OSBPL3: variants seen among roughly 807,000 people sequenced by gnomAD.
The protein encoded by OSBPL3 is oxysterol-binding protein-related protein 3.
OSBPL3 carries 65 observed loss-of-function variants against 120.1 expected under a neutral mutation model. That is an observed-to-expected ratio of 0.54 (90% CI 0.44 to 0.67). The LOEUF (loss-of-function observed/expected upper bound fraction) is 0.67. Ranked by LOEUF, OSBPL3 falls within the 30% of genes least tolerant of loss-of-function variation. The probability of loss-of-function intolerance (pLI) is 0.00; values close to 1 mark genes in which losing one functional copy is unlikely to be tolerated. For missense variants in OSBPL3, 1,004 were observed against 1,082.1 expected, an observed-to-expected ratio of 0.93 and a Z score of 1.01; for synonymous variants, 416 against 402.6, an observed-to-expected ratio of 1.03 and a Z score of -0.40.
Position 24,807,350 on chromosome 7 carries a change from A to G in OSBPL3, c.2318-448T>C, listed in dbSNP as rs1457165719. On this transcript the variant is annotated intron_variant, in intron 20 of 22. Transcript: ENST00000313367. ...TCTACTAAAAATACAAAACTTAGCC[A>G]GGCATGGTCTCGGGCGCCTGTAATT... Among the ~76,000 whole-genome samples, 4 of 151,828 alleles carry G rather than the reference A, an allele frequency of 2.6e-5. No individual in the cohort carries two copies. In the East Asian group the frequency reaches 7.7e-4, roughly 29 times the overall value.
rs1803708437 is a variant in OSBPL3, at chr7:24,881,720, A to G, written c.97-9651T>C. Among the ~76,000 whole-genome samples the G allele has an allele frequency of 6.6e-6, 1 of 152,180 alleles. No homozygotes were observed. The highest frequency in any genetic ancestry group is 2.1e-4 in the South Asian group (1 of 4,828). Reference sequence around the variant, plus strand: ...GAGCAGTCACAAACTTTGGTGGCTTAAATAAACAGATATTTATTCTCTAGC... The same window carrying G: ...GAGCAGTCACAAACTTTGGTGGCTTGAATAAACAGATATTTATTCTCTAGC... On this transcript the variant is annotated intron_variant, in intron 2 of 22. Transcript: ENST00000313367. The surrounding 1 kb of genome is among the most constrained non-coding windows in gnomAD (Gnocchi z 4.3).
intron 1 of OSBPL3, among the ~76,000 whole-genome samples, chr7:24,960,828 G>T (rs1432535594): frequency 1.3e-5 from 2 of 152,116 alleles, no homozygotes; most frequent in African/African-American, 2.4e-5. Context: ...TTGCACAGAA[G>T]TATCACCAAG....
chr7:24,878,415 A>G (rs1243653312), intron 2 of OSBPL3, among the ~76,000 whole-genome samples: 1 of 152,254 alleles, frequency 6.6e-6, no homozygotes, highest in Non-Finnish European at 1.5e-5. Flanking sequence ...GGCAATACCC[A>G]GCCTTAAATC....
Position 24,866,122 on chromosome 7 carries a change from G to T in OSBPL3, c.497C>A (p.Ser166Tyr). Reference sequence around the variant, plus strand: ...CCCAGATGAAGAGTCTGTGATGGTGGACCCTGAGAAAAAGTGGTTAACTTC... The same window carrying T: ...CCCAGATGAAGAGTCTGTGATGGTGTACCCTGAGAAAAAGTGGTTAACTTC... The part of the protein sequence containing the change: ...PHEVNHFFSG[S>Y]TITDSSSGVF... The change falls in exon 6 of 23, where the codon TCC becomes TAC. Residue 166 changes from serine to tyrosine, a missense_variant. Physicochemically the swap from Ser to Tyr is moderately radical, Grantham distance 144 (BLOSUM62 -2). Around this residue, in one of 4 missense-constraint regions of OSBPL3, gnomAD observed 255 missense variants for 248.7 expected, o/e 1.03. Coordinates refer to ENST00000313367, the MANE Select transcript of OSBPL3 (RefSeq NM_015550.4). 6.2e-7 allele frequency: 1 copy of T among 1,613,522 alleles called. No individual in the cohort carries two copies. The highest frequency in any genetic ancestry group is 8.5e-7 in the Non-Finnish European group (1 of 1,179,464).
In OSBPL3 at chr7:24,854,527, CACA is replaced by C. The variant is rs1562831291; in HGVS notation, c.1028-1896_1028-1894del. 2.0e-5 allele frequency among the ~76,000 whole-genome samples: 3 copies of C among 149,898 alleles called. No homozygotes were observed. The highest frequency in any genetic ancestry group is 4.9e-5 in the African/African-American group (2 of 40,830). On this transcript the variant is annotated intron_variant, in intron 10 of 22. Transcript: ENST00000313367. The surrounding 1 kb of genome is among the most constrained non-coding windows in gnomAD (Gnocchi z 4.1). The stretch of plus-strand genomic sequence containing the variant: ...GCACACACACACACACACACACACA[CACA>C]CACACACAAACACACACAATGGTGC...
Position 24,820,225 on chromosome 7 carries a change from G to A in OSBPL3, c.1898C>T (p.Pro633Leu), listed in dbSNP as rs749672339. ...QFFSEQVSHH[P>L]PISACHAESR... is the part of the protein sequence containing the mutation. ...CTCAGCATGACACGCAGAGATAGGC[G>A]GATGGTGGCTGACCTGATGGAAACA... Residue 633 changes from proline to leucine, a missense_variant, in exon 17 of 23, where the codon CCG (proline) becomes CTG (leucine). Transcript: ENST00000313367. This position sits in a 1 kb window ranked among gnomAD's most constrained non-coding sequence, Gnocchi z 4.6. The A allele has an allele frequency of 6.2e-6, 10 of 1,611,672 alleles. No homozygotes were observed. Among genetic ancestry groups the A allele is most frequent in the South Asian group, 2.2e-5 (2 of 90,826 alleles).
chr7:24,874,880 C>T (rs1340753906), intron 2 of OSBPL3, among the ~76,000 whole-genome samples: 2 of 152,192 alleles, frequency 1.3e-5, no homozygotes, highest in African/African-American at 4.8e-5. Flanking sequence ...TTCCCTGTCA[C>T]CGTCCATGAG....
At chr7:24,910,851 T>A (rs1241762353) in intron 1 of OSBPL3, among the ~76,000 whole-genome samples, 1 of 152,062 alleles carries the variant, frequency 6.6e-6, no homozygotes, top group Non-Finnish European at 1.5e-5. Flanking sequence ...GTGAGCTGGG[T>A]CGGGAGGGGC....
At chr7:24,943,840 G>C (rs563512170) in intron 1 of OSBPL3, among the ~76,000 whole-genome samples, 3 of 152,018 alleles carry the variant, frequency 2.0e-5, no homozygotes, top group African/African-American at 7.2e-5. Flanking sequence ...ATATGCCTTC[G>C]GTTGGTCCAT....
chr7:24,873,741 C>CA lies in OSBPL3; in HGVS notation c.97-1673dup, dbSNP rs35438810. Among the ~76,000 whole-genome samples the CA allele has an allele frequency of 4.5e-4, 67 of 149,120 alleles. No individual in the cohort carries two copies. The highest frequency in any genetic ancestry group is 6.4e-4 in the Non-Finnish European group (43 of 66,840). ...CAGATTTCCTATTACTTAAAAACAC[C>CA]AAAAAAAAAAACTTACTTGAATTTA... On this transcript the variant is annotated intron_variant, in intron 2 of 22. Coordinates refer to ENST00000313367, the MANE Select transcript of OSBPL3 (RefSeq NM_015550.4). This position sits in a 1 kb window ranked among gnomAD's most constrained non-coding sequence, Gnocchi z 4.1.
chr7:24,840,904 C>A, intron 13 of OSBPL3, 121 bp from the exon 14 acceptor site: 1 of 564,990 alleles, frequency 1.8e-6, no homozygotes, highest in Non-Finnish European at 3.0e-6. Context: ...CTCTTGGGTA[C>A]TGTTTTCATA....
In OSBPL3 at chr7:24,806,993, A is replaced by C. The variant is rs896862548; in HGVS notation, c.2318-91T>G. The C allele has an allele frequency of 8.8e-7, 1 of 1,136,286 alleles. No individual in the cohort carries two copies. Among genetic ancestry groups the C allele is most frequent in the African/African-American group, 1.6e-5 (1 of 63,984 alleles). 70.4% of individuals were successfully genotyped at this position (1,136,286 alleles called of 1,614,324 possible). ...ACCTTTTTCGTCTCAGCCTAGCTAC[A>C]ATTTTTCTCTCTCAGCTCCCTTCCA... is the stretch of plus-strand genomic sequence containing the variant. On this transcript the variant is annotated intron_variant, in intron 20 of 22. Coordinates refer to ENST00000313367, the MANE Select transcript of OSBPL3 (RefSeq NM_015550.4). The surrounding 1 kb of genome is among the most constrained non-coding windows in gnomAD (Gnocchi z 5.2).
In OSBPL3 at chr7:24,797,361, C is replaced by T. The variant is rs1453638070; in HGVS notation, c.*2822G>A. 1 of 152,204 alleles carries T rather than the reference C, an allele frequency of 6.6e-6. No homozygotes were observed. The allele number at this position is 152,204 out of a possible 1,614,324, so 9.4% of individuals were successfully genotyped here. ...AGGAAGTCTCACAGGAAGCACAGGA[C>T]ACCTGTGCGGCTGTTTGGGCATCCT... On this transcript the variant is annotated 3_prime_UTR_variant, in exon 23 of 23. Coordinates refer to ENST00000313367, the MANE Select transcript of OSBPL3 (RefSeq NM_015550.4). This position sits in a 1 kb window ranked among gnomAD's most constrained non-coding sequence, Gnocchi z 4.8.
intron 1 of OSBPL3, among the ~76,000 whole-genome samples, chr7:24,934,972 A>G (rs952937048): frequency 6.6e-6 from 1 of 152,208 alleles, no homozygotes; most frequent in Non-Finnish European, 1.5e-5. Flanking sequence ...ATGACTCACA[A>G]GAACTTTTAG....
intron 14 of OSBPL3, among the ~76,000 whole-genome samples, chr7:24,840,401 A>C (rs778252193): frequency 3.3e-5 from 5 of 152,162 alleles, no homozygotes; most frequent in Admixed American, 6.5e-5. Context: ...TGATCCCCTT[A>C]ACGAATTGTA....
At chr7:24,866,406 G>A (rs112673004) in intron 5 of OSBPL3, among the ~76,000 whole-genome samples, 169 bp from the exon 6 acceptor site, 7 of 152,292 alleles carry the variant, frequency 4.6e-5, no homozygotes, top group African/African-American at 1.2e-4. Flanking sequence ...GGAAGGCCAC[G>A]GAGGGAGGAC....
intron 1 of OSBPL3, among the ~76,000 whole-genome samples, chr7:24,971,809 A>G (rs568575052): frequency 1.4e-4 from 22 of 152,344 alleles, no homozygotes; most frequent in Middle Eastern, 3.4e-3. Context: ...CCCAACAGCT[A>G]CTGGCTGCCA....
In OSBPL3 at chr7:24,950,199, G is replaced by C. The variant is rs149896322; in HGVS notation, c.-150+29687C>G. The stretch of plus-strand genomic sequence containing the variant: ...AATAAACATTAGTAATGCAATTAAG[G>C]CTCCAGGAACAAATATCCATCCACG... On this transcript the variant is annotated intron_variant, in intron 1 of 22. Transcript: ENST00000313367. Among the ~76,000 whole-genome samples the C allele has an allele frequency of 3.1e-3, 469 of 152,132 alleles. 3 individuals are homozygous for C. Among genetic ancestry groups the C allele is most frequent in the African/African-American group, 0.011 (452 of 41,504 alleles).
Position 24,904,918 on chromosome 7 carries a change from G to GGTGTGTGTGTGTGTGTGTGT in OSBPL3, c.-149-12317_-149-12298dup, listed in dbSNP as rs67222925. Among the ~76,000 whole-genome samples, 213 of 132,932 alleles carry GGTGTGTGTGTGTGTGTGTGT rather than the reference G, an allele frequency of 1.6e-3. 1 individual carries two copies. Among genetic ancestry groups the GGTGTGTGTGTGTGTGTGTGT allele is most frequent in the South Asian group, 2.5e-3 (9 of 3,546 alleles). 87.2% of individuals were successfully genotyped at this position (132,932 alleles called of 152,430 possible). The stretch of plus-strand genomic sequence containing the variant: ...TGAAGTGTTCTGATCATAATATACA[G>GGTGTGTGTGTGTGTGTGTGT]GTGTGTGTGTGTGTGTGTGTGTGTG... On this transcript the variant is annotated intron_variant, in intron 1 of 22. Coordinates refer to ENST00000313367, the MANE Select transcript of OSBPL3 (RefSeq NM_015550.4).
Sources: allele counts gnomAD v4.1 joint callset (sites outside exome capture counted in the v4.1 genomes callset), GRCh38; gene constraint gnomAD v4.1.1; regional missense constraint gnomAD v4.1.1; non-coding constraint Gnocchi (gnomAD v3.1); transcripts MANE v1.5; gene names NCBI Gene and HGNC (gene_info 2026-07-23, HGNC 2026-07-21).